MSR1: variants seen among roughly 807,000 people sequenced by gnomAD.
MSR1 encodes macrophage scavenger receptor 1.
In MSR1, 53 loss-of-function variants were observed where a neutral mutation model predicts 47.2. That is an observed-to-expected ratio of 1.12 (90% CI 0.90 to 1.41). The LOEUF is 1.41. Among genes scored for constraint, MSR1 ranks in the 40% most tolerant of loss-of-function variants. MSR1 has a pLI of 0.00. For missense variants in MSR1, 786 were observed against 546.9 expected, an observed-to-expected ratio of 1.44 and a Z score of -4.36; for synonymous variants, 239 against 185.6, an observed-to-expected ratio of 1.29 and a Z score of -2.34.
At chr8:16,148,695 A>G (rs1371533945) in intron 7 of MSR1, among the ~76,000 whole-genome samples, 1 of 151,904 alleles carries the variant, frequency 6.6e-6, no homozygotes, top group East Asian at 1.9e-4. Context: ...CGCCCACCTC[A>G]GTGATCTGCC....
chr8:16,170,356 A>C (rs7816080), intron 3 of MSR1, among the ~76,000 whole-genome samples: 59,156 of 151,642 alleles, frequency 0.39, 12,145 homozygotes, highest in South Asian at 0.47. Context: ...TCAAAAAAAA[A>C]AAAACAAAAC....
intron 2 of MSR1, among the ~76,000 whole-genome samples, chr8:16,176,152 AAAC>A (rs1347303483): frequency 6.6e-6 from 1 of 152,248 alleles, no homozygotes; most frequent in African/African-American, 2.4e-5. Flanking sequence ...GTTAAATTAA[AAAC>A]AAACTTTTTT....
intron 8 of MSR1, among the ~76,000 whole-genome samples, chr8:16,137,481 C>A (rs753514236): frequency 6.6e-6 from 1 of 152,058 alleles, no homozygotes; most frequent in Non-Finnish European, 1.5e-5. Context: ...TTTCTCTTTG[C>A]ATACCCTCCA....
chr8:16,119,382 T>C (rs1043317378), intron 9 of MSR1, among the ~76,000 whole-genome samples: 2 of 152,106 alleles, frequency 1.3e-5, no homozygotes, highest in African/African-American at 4.8e-5. Flanking sequence ...TGCACCACCA[T>C]GCCTGGCTAA....
At chr8:16,140,496 C>T (rs930829139) in intron 8 of MSR1, 31 of 990,660 alleles carry the variant, frequency 3.1e-5, no homozygotes, top group South Asian at 1.4e-4. Context: ...CAAAGCATGG[C>T]GAGAAATACT....
chr8:16,152,077 C>T (rs1388023170), intron 6 of MSR1, among the ~76,000 whole-genome samples: 2 of 152,074 alleles, frequency 1.3e-5, no homozygotes, highest in African/African-American at 4.8e-5. Flanking sequence ...TTTTCTTGTT[C>T]TCCTCCCCCT....
At chr8:16,167,267 G>C (rs1486477339) in intron 4 of MSR1, among the ~76,000 whole-genome samples, 2 of 152,146 alleles carry the variant, frequency 1.3e-5, no homozygotes, top group Non-Finnish European at 2.9e-5. Context: ...TGGTCAGCCA[G>C]GCGCAGTGGT....
At chr8:16,122,843 C>CTTTTTTTTTT (rs35560221) in intron 8 of MSR1, among the ~76,000 whole-genome samples, 2 of 65,598 alleles carry the variant, frequency 3.0e-5, no homozygotes, top group African/African-American at 5.0e-5. Flanking sequence ...TATTCAAATT[C>CTTTTTTTTTT]TTTTTTTTTT....
At chr8:16,110,896 T>C (rs1410282499) in intron 9 of MSR1, among the ~76,000 whole-genome samples, 1 of 151,810 alleles carries the variant, frequency 6.6e-6, no homozygotes, top group Middle Eastern at 3.2e-3. Context: ...ATTGTAAGAG[T>C]GTTAACAGTA....
intron 8 of MSR1, among the ~76,000 whole-genome samples, chr8:16,125,724 G>A (rs1800113155): frequency 6.6e-6 from 1 of 152,002 alleles, no homozygotes; most frequent in South Asian, 2.1e-4. Context: ...AGACATACTG[G>A]TACTTCAACT....
chr8:16,117,053 G>C (rs901615460), intron 9 of MSR1, among the ~76,000 whole-genome samples: 1 of 152,060 alleles, frequency 6.6e-6, no homozygotes, highest in Non-Finnish European at 1.5e-5. Context: ...TAAAGCAGGG[G>C]TCCCCAGCCC....
At chr8:16,184,222 T>C (rs963440428) in intron 1 of MSR1, among the ~76,000 whole-genome samples, 1 of 152,056 alleles carries the variant, frequency 6.6e-6, no homozygotes, top group African/African-American at 2.4e-5. Flanking sequence ...ATTATTATAC[T>C]TTCTTTTCAC....
chr8:16,182,093 A>G (rs554024431), intron 1 of MSR1, among the ~76,000 whole-genome samples: 1 of 152,278 alleles, frequency 6.6e-6, no homozygotes, highest in African/African-American at 2.4e-5. Flanking sequence ...GGTCTAGCCT[A>G]TTGCTCCTAG....
At chr8:16,139,137 T>C (rs1800463785) in intron 8 of MSR1, among the ~76,000 whole-genome samples, 1 of 152,220 alleles carries the variant, frequency 6.6e-6, no homozygotes, top group African/African-American at 2.4e-5. Context: ...CTTGCATTGC[T>C]CTATCTAATA....
intron 6 of MSR1, among the ~76,000 whole-genome samples, chr8:16,154,022 T>A (rs1800931964): frequency 6.6e-6 from 1 of 151,908 alleles, no homozygotes; most frequent in Admixed American, 6.6e-5. Context: ...CATGTGTACC[T>A]GGATGTATAT....
At chr8:16,169,392 G>C (rs1248374140) in intron 3 of MSR1, among the ~76,000 whole-genome samples, 1 of 152,142 alleles carries the variant, frequency 6.6e-6, no homozygotes, top group Non-Finnish European at 1.5e-5. Flanking sequence ...CACTTGAGCT[G>C]CCAGAAAAGC....
chr8:16,184,824 G>A (rs1585199751), intron 1 of MSR1, among the ~76,000 whole-genome samples: 1 of 151,820 alleles, frequency 6.6e-6, no homozygotes, highest in Admixed American at 6.6e-5. Context: ...TTAGCATATA[G>A]AAGTGATAAT....
chr8:16,189,333 A>C (rs1372723674), intron 1 of MSR1, among the ~76,000 whole-genome samples: 2 of 90,586 alleles, frequency 2.2e-5, no homozygotes, highest in Non-Finnish European at 3.7e-5. Flanking sequence ...TACATTTCAT[A>C]TATATATAAA....
rs185349087 is a variant in MSR1, at chr8:16,115,231, T to A, written c.1223-5013A>T. ...TCAATTTTGGTAATGATGTACAATA[T>A]GATATGAACCTGATTCTTCTCACTT... On this transcript the variant is annotated intron_variant, in intron 9 of 9. Transcript: ENST00000262101. Among the ~76,000 whole-genome samples the A allele has an allele frequency of 1.4e-3, 211 of 152,308 alleles. 3 individuals carry two copies. Among genetic ancestry groups the A allele is most frequent in the African/African-American group, 5.1e-3 (210 of 41,572 alleles).
Sources: gnomAD v4.1 joint callset for allele counts (sites outside exome capture counted in the v4.1 genomes callset) on GRCh38, gnomAD v4.1.1 for gene constraint, MANE v1.5 for transcripts, NCBI Gene and HGNC (gene_info 2026-07-23, HGNC 2026-07-21) for gene names.